Variants in CLSTN2 observed in about 807,000 individuals in gnomAD.
CLSTN2 encodes calsyntenin-2.
CLSTN2 carries 48 observed loss-of-function variants against 101.2 expected under a neutral mutation model. The ratio of observed to expected loss-of-function variants is 0.47; its 90% confidence interval spans 0.38 to 0.60. The LOEUF is 0.60. CLSTN2 is among the 20% of genes least tolerant of loss of function. The pLI, the probability that CLSTN2 is intolerant of heterozygous loss-of-function variation, is 0.00. For missense variants in CLSTN2, 1,160 were observed against 1,238.2 expected (o/e 0.94, Z 0.95); for synonymous variants, 481 against 463.6 (o/e 1.04, Z -0.48).
intron 1 of CLSTN2, among the ~76,000 whole-genome samples, chr3:139,960,091 A>G (rs1935480978): frequency 2.0e-5 from 3 of 152,202 alleles, no homozygotes; most frequent in Admixed American, 2.0e-4. Context: ...GTAAATGCTT[A>G]AACACCAGCT....
intron 2 of CLSTN2, among the ~76,000 whole-genome samples, chr3:140,264,242 A>G (rs959640678): frequency 1.8e-4 from 27 of 151,698 alleles, no homozygotes; most frequent in Admixed American, 3.3e-4. Flanking sequence ...CAAGCATAGT[A>G]CTGAAACACT....
At chr3:140,359,079 A>G (rs1016954761) in intron 2 of CLSTN2, among the ~76,000 whole-genome samples, 17 of 151,834 alleles carry the variant, frequency 1.1e-4, no homozygotes, top group Non-Finnish European at 2.5e-4. Context: ...CCCACCCATA[A>G]CATCAGCCCC....
intron 5 of CLSTN2, among the ~76,000 whole-genome samples, chr3:140,422,640 G>T (rs748620678): frequency 5.9e-5 from 9 of 152,180 alleles, no homozygotes; most frequent in Non-Finnish European, 2.9e-5. Flanking sequence ...AAAGAACAAA[G>T]CAGAGTCATC....
chr3:140,541,213 T>C (rs895596020), intron 9 of CLSTN2, among the ~76,000 whole-genome samples: 1 of 152,262 alleles, frequency 6.6e-6, no homozygotes, highest in Non-Finnish European at 1.5e-5. Flanking sequence ...CTTCTGGTTA[T>C]GTGGCTTTGG....
chr3:140,177,708 G>A (rs1469758247), intron 2 of CLSTN2, among the ~76,000 whole-genome samples: 1 of 152,050 alleles, frequency 6.6e-6, no homozygotes, highest in African/African-American at 2.4e-5. Context: ...CAGGAGGATC[G>A]CTTGACTCAA....
At chr3:140,439,764 C>T (rs889179635) in intron 5 of CLSTN2, among the ~76,000 whole-genome samples, 1 of 152,188 alleles carries the variant, frequency 6.6e-6, no homozygotes, top group Non-Finnish European at 1.5e-5. Flanking sequence ...CACACACACA[C>T]ACACAGCAGC....
At chr3:140,248,101 G>A (rs1036704702) in intron 2 of CLSTN2, among the ~76,000 whole-genome samples, 2 of 152,226 alleles carry the variant, frequency 1.3e-5, no homozygotes, top group Non-Finnish European at 2.9e-5. Context: ...GGGTATGTGT[G>A]ATGGGATCTT....
intron 1 of CLSTN2, among the ~76,000 whole-genome samples, chr3:140,058,928 G>A (rs1350313239): frequency 6.6e-6 from 1 of 152,218 alleles, no homozygotes. Context: ...GACCAGCAGG[G>A]AGCAGAGACA....
chr3:139,998,223 C>T (rs1375166908), intron 1 of CLSTN2, among the ~76,000 whole-genome samples: 1 of 151,782 alleles, frequency 6.6e-6, no homozygotes, highest in African/African-American at 2.4e-5. Flanking sequence ...AGGAATCAGA[C>T]AGACCTGACT....
intron 15 of CLSTN2, 60 bp from the exon 16 acceptor site, chr3:140,563,901 C>G (rs892638456): frequency 6.5e-7 from 1 of 1,538,536 alleles, no homozygotes; most frequent in Non-Finnish European, 8.9e-7. Context: ...TTCATGCTCC[C>G]TCACAAGAAT....
At chr3:140,208,412 T>C (rs2010811261) in intron 2 of CLSTN2, among the ~76,000 whole-genome samples, 1 of 152,220 alleles carries the variant, frequency 6.6e-6, no homozygotes, top group Non-Finnish European at 1.5e-5. Context: ...TGAAATACAA[T>C]AAGATCTTTT....
rs1356943059 is a variant in CLSTN2, at chr3:139,957,315, ATCT to A, written c.109+21836_109+21838del. Among the ~76,000 whole-genome samples the A allele has an allele frequency of 5.9e-5, 9 of 152,228 alleles. No individual in the cohort carries two copies. In the East Asian group the frequency reaches 1.7e-3, roughly 29 times the overall value. ...TCCCAGCAGGATCTGGGATGCCCTC[ATCT>A]TCTCCCTACCCACAGCCTACATCCA... On this transcript the variant is annotated intron_variant, in intron 1 of 16. Coordinates refer to ENST00000458420, the MANE Select transcript of CLSTN2 (RefSeq NM_022131.3).
chr3:140,484,659 A>AT (rs1383020030), intron 8 of CLSTN2, among the ~76,000 whole-genome samples: 6 of 151,990 alleles, frequency 3.9e-5, no homozygotes, highest in Non-Finnish European at 7.4e-5. Flanking sequence ...GGCTTTGTTC[A>AT]TTTCCTTTTA....
chr3:140,266,648 A>G (rs1228229445), intron 2 of CLSTN2, among the ~76,000 whole-genome samples: 1 of 152,152 alleles, frequency 6.6e-6, no homozygotes, highest in African/African-American at 2.4e-5. Context: ...CTGAATTTCC[A>G]CTGGTATGTT....
At chr3:140,363,601 G>T (rs1559849162) in intron 2 of CLSTN2, among the ~76,000 whole-genome samples, 2 of 151,854 alleles carry the variant, frequency 1.3e-5, no homozygotes, top group South Asian at 4.1e-4. Flanking sequence ...CAGTCAGAGG[G>T]ACCCGGTAGG....
intron 9 of CLSTN2, among the ~76,000 whole-genome samples, chr3:140,540,493 T>C (rs1042449133): frequency 2.6e-5 from 4 of 152,192 alleles, no homozygotes; most frequent in African/African-American, 7.2e-5. Context: ...ATCACTGAAA[T>C]GAGGAAATGA....
intron 1 of CLSTN2, among the ~76,000 whole-genome samples, chr3:140,145,566 C>G (rs529464184): frequency 6.6e-6 from 1 of 152,234 alleles, no homozygotes; most frequent in Non-Finnish European, 1.5e-5. Flanking sequence ...TTGACCATCT[C>G]GGCAGACACT....
chr3:140,443,547 C>T lies in CLSTN2; in HGVS notation c.788-4972C>T, dbSNP rs550528100. Among the ~76,000 whole-genome samples, 25 of 152,344 alleles carry T rather than the reference C, an allele frequency of 1.6e-4. No homozygotes were observed. The South Asian group carries it at 4.6e-3, about 28-fold the overall frequency. On this transcript the variant is annotated intron_variant, in intron 5 of 16. Coordinates refer to ENST00000458420, the MANE Select transcript of CLSTN2 (RefSeq NM_022131.3). ...AATCCCAATAGCTTTTTCAGGAATA[C>T]TTACAGGGTAATTTAGGCCCAATTA...
intron 1 of CLSTN2, among the ~76,000 whole-genome samples, chr3:140,170,851 G>A (rs576945207): frequency 1.3e-5 from 2 of 152,270 alleles, no homozygotes; most frequent in South Asian, 4.1e-4. Context: ...TTACAGTCGT[G>A]GGAACTGAAA....
Sources: allele counts gnomAD v4.1 joint callset (sites outside exome capture counted in the v4.1 genomes callset), GRCh38; gene constraint gnomAD v4.1.1; transcripts MANE v1.5; gene names NCBI Gene and HGNC (gene_info 2026-07-23, HGNC 2026-07-21).